ITPR2: variants seen among roughly 807,000 people sequenced by gnomAD.
ITPR2 encodes inositol 1,4,5-trisphosphate receptor type 2, also known as inositol 1,4,5-trisphosphate-gated calcium channel ITPR2.
ITPR2 carries 207 observed loss-of-function variants against 317.1 expected under a neutral mutation model. That is an observed-to-expected ratio of 0.65 (90% CI 0.58 to 0.73). The LOEUF is 0.73. ITPR2 is among the 30% of genes least tolerant of loss of function. The probability of loss-of-function intolerance (pLI) is 0.00; values close to 1 mark genes in which losing one functional copy is unlikely to be tolerated. For synonymous variants in ITPR2, 1,156 were observed against 1,149.1 expected (o/e 1.01, Z -0.12); for missense variants, 2,613 against 3,284.0 (o/e 0.80, Z 4.99).
At chr12:26,491,089 A>G (rs1280135711) in intron 39 of ITPR2, among the ~76,000 whole-genome samples, 1 of 152,186 alleles carries the variant, frequency 6.6e-6, no homozygotes, top group Non-Finnish European at 1.5e-5. Context: ...GGAAAGTTGG[A>G]AAATTTGAAG....
intron 34 of ITPR2, among the ~76,000 whole-genome samples, chr12:26,575,127 G>C (rs1945246391): frequency 6.7e-6 from 1 of 149,284 alleles, no homozygotes; most frequent in Non-Finnish European, 1.5e-5. Context: ...TAATGGGAAA[G>C]ATGCTGAGGA....
intron 54 of ITPR2, among the ~76,000 whole-genome samples, chr12:26,397,643 A>G (rs4963991): frequency 1 from 151,978 of 152,240 alleles, 75,858 homozygotes; most frequent in Non-Finnish European, 1. Context: ...TTATTACCTG[A>G]TACACCTACA....
intron 37 of ITPR2, among the ~76,000 whole-genome samples, chr12:26,525,562 T>C (rs756161440): frequency 5.2e-4 from 79 of 152,202 alleles, no homozygotes; most frequent in Non-Finnish European, 3.7e-4. Context: ...CAGCTTTGAC[T>C]TTGAGACCCT....
intron 55 of ITPR2, among the ~76,000 whole-genome samples, chr12:26,350,784 G>A (rs1938455538): frequency 6.6e-6 from 1 of 151,922 alleles, no homozygotes; most frequent in South Asian, 2.1e-4. Context: ...CCATGAGCAG[G>A]AGGGCAGAGG....
rs1407702619 is a variant in ITPR2, at chr12:26,335,875, C to T, written c.*3522G>A. 1 of 152,166 alleles carries T rather than the reference C, an allele frequency of 6.6e-6. No homozygotes were observed. Among genetic ancestry groups the T allele is most frequent in the African/African-American group, 2.4e-5 (1 of 41,430 alleles). The allele number at this position is 152,166 out of a possible 1,614,324, so 9.4% of individuals were successfully genotyped here. ...GAAGATGTCTGTCTCCTCTGCGGTGCACCGTGTCGTGTATCACAGCATATT... is the reference window on the plus strand; with the variant it reads ...GAAGATGTCTGTCTCCTCTGCGGTGTACCGTGTCGTGTATCACAGCATATT... On this transcript the variant is annotated 3_prime_UTR_variant, in exon 57 of 57. Transcript: ENST00000381340.
chr12:26,434,036 T>C (rs1448226738), intron 48 of ITPR2, among the ~76,000 whole-genome samples: 3 of 152,174 alleles, frequency 2.0e-5, no homozygotes, highest in East Asian at 3.8e-4. Flanking sequence ...ATCATGCTTA[T>C]TATAGAAAAT....
At chr12:26,400,402 C>T (rs1022259079) in intron 52 of ITPR2, 144 bp from the exon 53 acceptor site, 1 of 338,840 alleles carries the variant, frequency 3.0e-6, no homozygotes, top group African/African-American at 2.2e-5. Flanking sequence ...AATATACATA[C>T]AATAAATAAA....
At chr12:26,729,869 C>T (rs988507230) in intron 2 of ITPR2, among the ~76,000 whole-genome samples, 1 of 152,006 alleles carries the variant, frequency 6.6e-6, no homozygotes, top group Non-Finnish European at 1.5e-5. Context: ...AAGGCTTAAA[C>T]TTGGGTGATG....
At chr12:26,769,503 C>T (rs1565749662) in intron 2 of ITPR2, among the ~76,000 whole-genome samples, 3 of 151,898 alleles carry the variant, frequency 2.0e-5, no homozygotes, top group African/African-American at 2.4e-5. Flanking sequence ...TTGGTGGTAG[C>T]TTGAATAAGT....
intron 1 of ITPR2, among the ~76,000 whole-genome samples, chr12:26,817,222 C>G (rs1303606801): frequency 7.0e-6 from 1 of 142,126 alleles, no homozygotes; most frequent in Admixed American, 7.1e-5. Flanking sequence ...GAACAAAGCA[C>G]AGAGCTAGAG....
chr12:26,548,731 C>T (rs1944449279), intron 37 of ITPR2, among the ~76,000 whole-genome samples: 1 of 152,108 alleles, frequency 6.6e-6, no homozygotes, highest in Non-Finnish European at 1.5e-5. Flanking sequence ...CCTGCCTCCA[C>T]CCAAGGGAGC....
intron 2 of ITPR2, among the ~76,000 whole-genome samples, chr12:26,735,298 G>T (rs192989948): frequency 6.6e-6 from 1 of 152,146 alleles, no homozygotes; most frequent in Non-Finnish European, 1.5e-5. Context: ...TACTGTGCCT[G>T]GCCTAGCCAG....
At chr12:26,611,805 C>T (rs949028011) in intron 26 of ITPR2, among the ~76,000 whole-genome samples, 3 of 152,154 alleles carry the variant, frequency 2.0e-5, no homozygotes, top group Admixed American at 1.3e-4. Flanking sequence ...TACTCGGATA[C>T]GGTTTCCTGA....
At chr12:26,384,811 C>A (rs1939619983) in intron 55 of ITPR2, among the ~76,000 whole-genome samples, 1 of 152,178 alleles carries the variant, frequency 6.6e-6, no homozygotes, top group South Asian at 2.1e-4. Context: ...GTTCCTGGCT[C>A]TCCTTATGCC....
At chr12:26,389,802 GA>G (rs1299037599) in intron 54 of ITPR2, among the ~76,000 whole-genome samples, 2 of 152,160 alleles carry the variant, frequency 1.3e-5, no homozygotes, top group African/African-American at 4.8e-5. Context: ...CTAAGATAAA[GA>G]GGTAAAATGA....
At chr12:26,649,778 T>C (rs1947199564) in intron 21 of ITPR2, among the ~76,000 whole-genome samples, 1 of 26,670 alleles carries the variant, frequency 3.7e-5, no homozygotes, top group African/African-American at 1.3e-4. Flanking sequence ...ATAGACTAGA[T>C]AGATAGATAG....
At chr12:26,765,497 T>C (rs370239290) in intron 2 of ITPR2, among the ~76,000 whole-genome samples, 48 of 152,256 alleles carry the variant, frequency 3.2e-4, no homozygotes, top group African/African-American at 1.1e-3. Flanking sequence ...TACCTTCTCT[T>C]AAAGACTGTA....
At chr12:26,721,655 C>A (rs1218864839) in intron 5 of ITPR2, among the ~76,000 whole-genome samples, 3 of 152,218 alleles carry the variant, frequency 2.0e-5, no homozygotes, top group African/African-American at 7.2e-5. Flanking sequence ...TTATTACATG[C>A]AAAAATATCA....
chr12:26,723,607 TGCC>T (rs1481165743), intron 4 of ITPR2, among the ~76,000 whole-genome samples: 1 of 152,202 alleles, frequency 6.6e-6, no homozygotes, highest in Non-Finnish European at 1.5e-5. Flanking sequence ...TTCAGGGAGC[TGCC>T]GACCCAGCTT....
Sources: allele counts gnomAD v4.1 joint callset (sites outside exome capture counted in the v4.1 genomes callset), GRCh38; gene constraint gnomAD v4.1.1; transcripts MANE v1.5; gene names NCBI Gene and HGNC (gene_info 2026-07-23, HGNC 2026-07-21).